KMT5B: variants seen among roughly 807,000 people sequenced by gnomAD.
The protein encoded by KMT5B is histone-lysine N-methyltransferase KMT5B.
KMT5B carries 10 observed loss-of-function variants against 83.2 expected under a neutral mutation model. The observed-to-expected ratio is 0.12, with a 90% CI of 0.07 to 0.20. KMT5B has a LOEUF of 0.20. Ranked by LOEUF, KMT5B falls within the 10% of genes least tolerant of loss-of-function variation. The probability of loss-of-function intolerance (pLI) is 1.00; values close to 1 mark genes in which losing one functional copy is unlikely to be tolerated. For missense variants in KMT5B, 753 were observed against 1,067.2 expected, an observed-to-expected ratio of 0.71 and a Z score of 4.10; for synonymous variants, 349 against 388.8, an observed-to-expected ratio of 0.90 and a Z score of 1.20.
intron 10 of KMT5B, among the ~76,000 whole-genome samples, chr11:68,165,462 C>T (rs1445034323): frequency 6.6e-6 from 1 of 151,972 alleles, no homozygotes; most frequent in Non-Finnish European, 1.5e-5. Flanking sequence ...TGAGAGTGTG[C>T]CACTGCACTC....
At chr11:68,165,111 A>T (rs1450840776) in intron 10 of KMT5B, among the ~76,000 whole-genome samples, 1 of 152,238 alleles carries the variant, frequency 6.6e-6, no homozygotes, top group East Asian at 1.9e-4. Flanking sequence ...CTACTTAAGC[A>T]TAAAACACCT....
upstream of KMT5B, chr11:68,213,298 G>A (rs1364087488): frequency 6.8e-6 from 1 of 147,442 alleles, no homozygotes; most frequent in Non-Finnish European, 1.5e-5. Flanking sequence ...ATCCAAGATG[G>A]CGGCGCGGGC....
Position 68,173,888 on chromosome 11 carries a change from G to C in KMT5B, c.569C>G (p.Ala190Gly), listed in dbSNP as rs977822346. The change falls in exon 6 of 11, where the codon GCA becomes GGA. Residue 190 changes from alanine to glycine, a missense_variant. Physicochemically the swap from Ala to Gly is moderately conservative, Grantham distance 60 (BLOSUM62 0). Transcript: ENST00000304363. ...CAATATTTCAAATCCACTGTCAGTT[G>C]CAAACATTCGCAAATAAATAAATAC... is the stretch of plus-strand genomic sequence containing the variant. ...EHVFIYLRMF[A>G]TDSGFEILPC... 3 of 1,609,208 alleles carry C rather than the reference G, an allele frequency of 1.9e-6. No individual in the cohort carries two copies. In the African/African-American group the frequency reaches 4.0e-5, roughly 22 times the overall value.
intron 4 of KMT5B, 34 bp downstream of exon 4, chr11:68,180,094 TAGTC>T: frequency 3.2e-6 from 5 of 1,552,368 alleles, no homozygotes; most frequent in Non-Finnish European, 4.4e-6. Context: ...TAGAATGGGT[TAGTC>T]AGTATCTCAT....
chr11:68,184,153 C>A (rs1857211021), intron 3 of KMT5B, among the ~76,000 whole-genome samples: 1 of 151,942 alleles, frequency 6.6e-6, no homozygotes, highest in South Asian at 2.1e-4. Context: ...GGTGGATCAC[C>A]TGAGGTCAGG....
intron 2 of KMT5B, among the ~76,000 whole-genome samples, chr11:68,187,832 G>A (rs1857583215): frequency 6.6e-6 from 1 of 152,086 alleles, no homozygotes; most frequent in African/African-American, 2.4e-5. Context: ...GAAAGTCACT[G>A]ATTGTATCTG....
chr11:68,179,639 G>A, intron 4 of KMT5B: 2 of 1,227,576 alleles, frequency 1.6e-6, no homozygotes, highest in Non-Finnish European at 1.1e-6. Flanking sequence ...GGAACAGGAA[G>A]GGGAACAGAA....
intron 3 of KMT5B, 45 bp from the exon 4 acceptor site, chr11:68,180,245 T>A: frequency 6.5e-7 from 1 of 1,533,534 alleles, no homozygotes; most frequent in Non-Finnish European, 8.9e-7. Context: ...AAGCTATTTG[T>A]ATAATCTGTA....
intron 3 of KMT5B, 143 bp from the exon 4 acceptor site, chr11:68,180,343 G>A: frequency 9.1e-7 from 1 of 1,103,534 alleles, no homozygotes; most frequent in Non-Finnish European, 1.3e-6. Flanking sequence ...GATACCACAG[G>A]TGGGCGCGGC....
chr11:68,182,049 G>T (rs965772683), intron 3 of KMT5B, among the ~76,000 whole-genome samples: 1 of 152,168 alleles, frequency 6.6e-6, no homozygotes, highest in Non-Finnish European at 1.5e-5. Flanking sequence ...GATTTCTTCT[G>T]CAAGTTTAAC....
chr11:68,173,233 G>A (rs1856017416), intron 6 of KMT5B, among the ~76,000 whole-genome samples: 1 of 152,120 alleles, frequency 6.6e-6, no homozygotes. Context: ...TAGAGATGGG[G>A]TTTCACCATG....
intron 3 of KMT5B, among the ~76,000 whole-genome samples, chr11:68,182,560 GTGA>G: frequency 6.6e-6 from 1 of 152,252 alleles, no homozygotes; most frequent in South Asian, 2.1e-4. Flanking sequence ...CTGGGCTCCA[GTGA>G]TCCTCCCACC....
chr11:68,166,569 C>T, intron 10 of KMT5B: 7 of 1,008,816 alleles, frequency 6.9e-6, no homozygotes, highest in Non-Finnish European at 8.3e-6. Context: ...CTATGAATTC[C>T]CCAAGTCCAT....
intron 4 of KMT5B, among the ~76,000 whole-genome samples, chr11:68,176,083 T>C (rs1856350801): frequency 6.6e-6 from 1 of 152,008 alleles, no homozygotes; most frequent in Non-Finnish European, 1.5e-5. Context: ...CCCAGCTAAT[T>C]TTTGTATTTT....
chr11:68,209,381 A>G (rs946234045), intron 1 of KMT5B, among the ~76,000 whole-genome samples: 4 of 152,200 alleles, frequency 2.6e-5, no homozygotes, highest in African/African-American at 9.7e-5. Context: ...TCAGTCGTTG[A>G]GTCAGGGAAG....
At chr11:68,198,288 G>A (rs1384858324) in intron 1 of KMT5B, among the ~76,000 whole-genome samples, 1 of 152,182 alleles carries the variant, frequency 6.6e-6, no homozygotes, top group African/African-American at 2.4e-5. Flanking sequence ...GGAGGCTGAG[G>A]CAGGAGAATA....
At chr11:68,188,345 C>CTT (rs140000923) in intron 2 of KMT5B, among the ~76,000 whole-genome samples, 1 of 145,278 alleles carries the variant, frequency 6.9e-6, no homozygotes, top group African/African-American at 2.5e-5. Flanking sequence ...TTTCTAAACT[C>CTT]TTTTTTTTTT....
At position 68,157,880 on chromosome 11, in the gene KMT5B, C is replaced by T. The variant is rs765487096; in HGVS notation, c.2466G>A (p.Glu822=). Residue 822 remains glutamate, a synonymous_variant, in exon 11 of 11, where the codon GAG becomes GAA. Transcript: ENST00000304363. Reference sequence around the variant, plus strand: ...AGGAGGAATCATCTGTACTTTCTTCCTCATACTGACTATAGTCATCCACCT... The same window carrying T: ...AGGAGGAATCATCTGTACTTTCTTCTTCATACTGACTATAGTCATCCACCT... The part of the protein sequence containing the change: ...RMEVDDYSQY[E]EESTDDSSSS... The T allele has an allele frequency of 6.2e-7, 1 of 1,613,982 alleles. No individual in the cohort carries two copies.
Position 68,158,178 on chromosome 11 carries a change from C to T in KMT5B, c.2168G>A (p.Arg723His), listed in dbSNP as rs1590913677. Residue 723 changes from arginine to histidine, a missense_variant, in exon 11 of 11, where the codon CGT becomes CAT. Arg to His is a conservative substitution (Grantham distance 29). This residue lies in a region of KMT5B where 161 missense variants were observed against 195.1 expected (regional missense o/e 0.83). Transcript: ENST00000304363. The part of the protein sequence containing the change: ...SGIPKLTLRR[R>H]HDSSSKTNDQ... ...ATTTGTTTTGCTGCTGCTATCATGA[C>T]GCCTACGAAGAGTCAATTTGGGAAT... The T allele has an allele frequency of 6.2e-7, 1 of 1,614,136 alleles. No individual in the cohort carries two copies. The highest frequency in any genetic ancestry group is 8.5e-7 in the Non-Finnish European group (1 of 1,180,046).
Sources: allele counts gnomAD v4.1 joint callset (sites outside exome capture counted in the v4.1 genomes callset), GRCh38; gene constraint gnomAD v4.1.1; regional missense constraint gnomAD v4.1.1; transcripts MANE v1.5; gene names NCBI Gene and HGNC (gene_info 2026-07-23, HGNC 2026-07-21).